METTL15: variants seen among roughly 807,000 people sequenced by gnomAD.
METTL15 encodes the protein 12S rRNA N(4)-cytidine methyltransferase METTL15.
Under a neutral mutation model 38.3 loss-of-function variants are expected in METTL15, and 34 were observed. The ratio of observed to expected loss-of-function variants is 0.89; its 90% CI spans 0.68 to 1.18. The LOEUF is 1.18. Among genes scored for constraint, METTL15 ranks in the 50% most tolerant of loss-of-function variants. The pLI is 0.00. For synonymous variants in METTL15, 162 were observed against 170.9 expected, an observed-to-expected ratio of 0.95 and a Z score of 0.41; for missense variants, 438 against 498.4, an observed-to-expected ratio of 0.88 and a Z score of 1.15.
chr11:28,142,934 A>G (rs1264452976), intron 3 of METTL15, among the ~76,000 whole-genome samples: 2 of 152,100 alleles, frequency 1.3e-5, no homozygotes, highest in African/African-American at 4.8e-5. Flanking sequence ...AGATGGTGGT[A>G]GTTTAGATAG....
intron 4 of METTL15, among the ~76,000 whole-genome samples, chr11:28,265,875 A>G (rs1010195134): frequency 6.6e-6 from 1 of 152,182 alleles, no homozygotes; most frequent in Non-Finnish European, 1.5e-5. Context: ...GGTTAGTTAC[A>G]TATGTATACA....
At chr11:28,324,617 T>A (rs928709794) in intron 6 of METTL15, among the ~76,000 whole-genome samples, 1 of 152,212 alleles carries the variant, frequency 6.6e-6, no homozygotes, top group Non-Finnish European at 1.5e-5. Context: ...GTTCCCATGA[T>A]CACATTTAGC....
At chr11:28,378,224 CT>C (rs1453610847) in intron 5 of METTL15, among the ~76,000 whole-genome samples, 4 of 152,226 alleles carry the variant, frequency 2.6e-5, no homozygotes, top group Non-Finnish European at 5.9e-5. Flanking sequence ...CCTAAGCAAG[CT>C]TGGGCAATGG....
At chr11:28,270,332 T>C (rs1010466683) in intron 4 of METTL15, among the ~76,000 whole-genome samples, 6 of 152,196 alleles carry the variant, frequency 3.9e-5, no homozygotes, top group Non-Finnish European at 5.9e-5. Flanking sequence ...CTAAATCATC[T>C]AATTAACATT....
intron 6 of METTL15, among the ~76,000 whole-genome samples, chr11:28,465,106 T>C (rs1310923390): frequency 6.6e-6 from 1 of 152,204 alleles, no homozygotes; most frequent in East Asian, 1.9e-4. Flanking sequence ...TGCTTGCCAA[T>C]TTCCCCTTGG....
downstream of METTL15, among the ~76,000 whole-genome samples, chr11:28,337,046 T>C (rs1391989544): frequency 6.6e-6 from 1 of 152,128 alleles, no homozygotes; most frequent in Non-Finnish European, 1.5e-5. Context: ...ATGTGTGCAT[T>C]TGTGGCTTAG....
At chr11:28,391,300 C>T (rs1850503926) in intron 5 of METTL15, among the ~76,000 whole-genome samples, 1 of 152,044 alleles carries the variant, frequency 6.6e-6, no homozygotes, top group South Asian at 2.1e-4. Context: ...GCATCCGTGT[C>T]TTGTGCCAGT....
At chr11:28,436,523 G>A (rs1850983301) in intron 6 of METTL15, among the ~76,000 whole-genome samples, 1 of 151,938 alleles carries the variant, frequency 6.6e-6, no homozygotes, top group African/African-American at 2.4e-5. Context: ...GCCTTGGTTG[G>A]GAAATTTCAG....
At chr11:28,507,243 C>A (rs1283241120) in intron 6 of METTL15, among the ~76,000 whole-genome samples, 5 of 152,156 alleles carry the variant, frequency 3.3e-5, no homozygotes, top group Non-Finnish European at 5.9e-5. Context: ...GAGGTCTCAG[C>A]AAACTTACAA....
chr11:28,249,637 A>G (rs923044803), intron 4 of METTL15, among the ~76,000 whole-genome samples: 4 of 151,942 alleles, frequency 2.6e-5, no homozygotes, highest in African/African-American at 9.7e-5. Context: ...CAGTATGTAT[A>G]TCGTGTTATA....
chr11:28,426,374 C>T (rs1177391533), intron 6 of METTL15, among the ~76,000 whole-genome samples: 1 of 152,062 alleles, frequency 6.6e-6, no homozygotes, highest in Admixed American at 6.6e-5. Context: ...CATATCTTTG[C>T]TATTGTGAAT....
At chr11:28,483,575 T>C (rs1483258334) in intron 6 of METTL15, among the ~76,000 whole-genome samples, 2 of 152,162 alleles carry the variant, frequency 1.3e-5, no homozygotes, top group Admixed American at 6.5e-5. Context: ...TCTGTGAAGT[T>C]CCAGATTGTA....
intron 3 of METTL15, among the ~76,000 whole-genome samples, chr11:28,138,009 A>C (rs942078644): frequency 2.0e-5 from 3 of 152,198 alleles, no homozygotes; most frequent in African/African-American, 7.2e-5. Flanking sequence ...CTAGGAAAGC[A>C]TGCAGTTTCT....
At chr11:28,483,295 G>A (rs1463441571) in intron 6 of METTL15, among the ~76,000 whole-genome samples, 1 of 152,136 alleles carries the variant, frequency 6.6e-6, no homozygotes, top group Non-Finnish European at 1.5e-5. Flanking sequence ...GTTGACTCAT[G>A]GGCCTGATGT....
intron 3 of METTL15, among the ~76,000 whole-genome samples, chr11:28,117,855 C>T (rs1032039944): frequency 6.6e-6 from 1 of 152,250 alleles, no homozygotes; most frequent in South Asian, 2.1e-4. Flanking sequence ...CCATTATTTG[C>T]TTCTCTTCTT....
chr11:28,110,770 C>G (rs1298666972), intron 2 of METTL15, among the ~76,000 whole-genome samples: 2 of 152,156 alleles, frequency 1.3e-5, no homozygotes, highest in Non-Finnish European at 2.9e-5. Context: ...GAGGGAGTAT[C>G]CTTCATGGGC....
intron 4 of METTL15, among the ~76,000 whole-genome samples, chr11:28,284,779 T>C (rs1176900976): frequency 6.6e-6 from 1 of 152,192 alleles, no homozygotes; most frequent in Non-Finnish European, 1.5e-5. Flanking sequence ...AATTCAGATC[T>C]AGGGACATAG....
chr11:28,230,879 A>G (rs1264693120), intron 4 of METTL15, among the ~76,000 whole-genome samples: 1 of 151,832 alleles, frequency 6.6e-6, no homozygotes, highest in Non-Finnish European at 1.5e-5. Flanking sequence ...GTGTATGGGG[A>G]AATAGACTTG....
intron 4 of METTL15, among the ~76,000 whole-genome samples, chr11:28,352,381 C>T (rs2133361986): frequency 6.6e-6 from 1 of 152,238 alleles, no homozygotes; most frequent in Non-Finnish European, 1.5e-5. Flanking sequence ...CTCTATTGCT[C>T]TAACAACTAG....
Sources: gnomAD v4.1 joint callset for allele counts (sites outside exome capture counted in the v4.1 genomes callset) on GRCh38, gnomAD v4.1.1 for gene constraint, MANE v1.5 for transcripts, NCBI Gene and HGNC (gene_info 2026-07-23, HGNC 2026-07-21) for gene names.